The following CDK8 variants were observed in gnomAD, a reference collection of about 807,000 sequenced individuals.
The protein encoded by CDK8 is cyclin dependent kinase 8.
CDK8 carries 29 observed loss-of-function variants against 71.5 expected under a neutral mutation model. The ratio of observed to expected loss-of-function variants is 0.41; its 90% CI spans 0.30 to 0.55. The LOEUF (loss-of-function observed/expected upper bound fraction) is 0.55. Among genes scored for constraint, CDK8 ranks in the 20% least tolerant of loss-of-function variants. The probability of loss-of-function intolerance (pLI) is 0.37; values close to 1 mark genes in which losing one functional copy is unlikely to be tolerated. For synonymous variants in CDK8, 161 were observed against 192.1 expected, an observed-to-expected ratio of 0.84 and a Z score of 1.34; for missense variants, 288 against 572.6, an observed-to-expected ratio of 0.50 and a Z score of 5.07.
intron 1 of CDK8, among the ~76,000 whole-genome samples, chr13:26,271,184 GT>G (rs1227178351): frequency 6.6e-6 from 1 of 152,172 alleles, no homozygotes; most frequent in Non-Finnish European, 1.5e-5. Flanking sequence ...AGTTGTAGGA[GT>G]TCTTTGTATA....
At chr13:26,343,238 A>G (rs921065413) in intron 2 of CDK8, among the ~76,000 whole-genome samples, 1 of 152,144 alleles carries the variant, frequency 6.6e-6, no homozygotes, top group Non-Finnish European at 1.5e-5. Context: ...TAAACACACC[A>G]GGCTGTTTGT....
intron 9 of CDK8, among the ~76,000 whole-genome samples, chr13:26,398,737 GC>G (rs1194132530): frequency 6.6e-6 from 1 of 152,076 alleles, no homozygotes; most frequent in Non-Finnish European, 1.5e-5. Flanking sequence ...ACTTTGGGAG[GC>G]CGAGGCGGGC....
chr13:26,320,723 A>G (rs972562302), intron 1 of CDK8, among the ~76,000 whole-genome samples: 1 of 152,250 alleles, frequency 6.6e-6, no homozygotes, highest in African/African-American at 2.4e-5. Context: ...GGACTTGAAT[A>G]AACATTCCTC....
At chr13:26,313,254 CTTAGTA>C (rs1229065973) in intron 1 of CDK8, among the ~76,000 whole-genome samples, 1 of 151,994 alleles carries the variant, frequency 6.6e-6, no homozygotes, top group Admixed American at 6.6e-5. Context: ...TGTATATGTA[CTTAGTA>C]CTATGTGCTA....
intron 1 of CDK8, among the ~76,000 whole-genome samples, chr13:26,279,300 T>C (rs1418861230): frequency 2.0e-5 from 3 of 152,188 alleles, no homozygotes; most frequent in Non-Finnish European, 4.4e-5. Context: ...AAATATTCAT[T>C]GGTTTAAAAG....
In CDK8 at chr13:26,292,461, C is replaced by A. The variant is rs181508952; in HGVS notation, c.128+37692C>A. ...CTTACCATCACCCAGTATTCTTATTCCAACTAATAAGAAGGGAGAGAGAGT... is the reference window on the plus strand; with the variant it reads ...CTTACCATCACCCAGTATTCTTATTACAACTAATAAGAAGGGAGAGAGAGT... On this transcript the variant is annotated intron_variant, in intron 1 of 12. Transcript: ENST00000381527. 1.6e-3 allele frequency among the ~76,000 whole-genome samples: 246 copies of A among 152,272 alleles called. 1 individual carries two copies. Among genetic ancestry groups the A allele is most frequent in the Admixed American group, 0.014 (208 of 15,288 alleles).
intron 1 of CDK8, among the ~76,000 whole-genome samples, chr13:26,335,859 G>A (rs1274507960): frequency 2.0e-5 from 3 of 151,738 alleles, no homozygotes; most frequent in Admixed American, 2.0e-4. Context: ...CTCCCACTAA[G>A]CATTCACAAG....
chr13:26,259,875 T>TG (rs1431109345), intron 1 of CDK8, among the ~76,000 whole-genome samples: 2 of 152,170 alleles, frequency 1.3e-5, no homozygotes, highest in Non-Finnish European at 2.9e-5. Flanking sequence ...TTCCATTATT[T>TG]GGGGAGATAA....
intron 1 of CDK8, among the ~76,000 whole-genome samples, chr13:26,313,038 C>T (rs1874360095): frequency 6.6e-6 from 1 of 152,130 alleles, no homozygotes; most frequent in East Asian, 1.9e-4. Context: ...AATTACTTGC[C>T]TGTTTTTGAC....
At chr13:26,341,429 A>C (rs554931975) in intron 2 of CDK8, among the ~76,000 whole-genome samples, 1 of 152,338 alleles carries the variant, frequency 6.6e-6, no homozygotes, top group South Asian at 2.1e-4. Flanking sequence ...CCGGCCAAGC[A>C]TACCTCAGTT....
chr13:26,298,059 A>G (rs1030432590), intron 1 of CDK8, among the ~76,000 whole-genome samples: 1 of 152,020 alleles, frequency 6.6e-6, no homozygotes, highest in African/African-American at 2.4e-5. Flanking sequence ...GCGATTTTAT[A>G]TTGGTACCAA....
intron 1 of CDK8, among the ~76,000 whole-genome samples, chr13:26,318,999 A>G (rs1038409565): frequency 1.3e-5 from 2 of 152,238 alleles, no homozygotes; most frequent in African/African-American, 4.8e-5. Context: ...AAGGCAGATT[A>G]TATAATCTTA....
chr13:26,272,704 G>C (rs1231064356), intron 1 of CDK8, among the ~76,000 whole-genome samples: 2 of 152,120 alleles, frequency 1.3e-5, no homozygotes, highest in Non-Finnish European at 2.9e-5. Context: ...GTACATAACG[G>C]TATGTGCTAT....
At chr13:26,393,585 T>A in intron 7 of CDK8, 75 bp downstream of exon 7, 1 of 1,468,298 alleles carries the variant, frequency 6.8e-7, no homozygotes, top group Non-Finnish European at 9.3e-7. Context: ...TGGAGAGGTA[T>A]ATATTTTTAG....
chr13:26,277,877 A>G (rs11619482), intron 1 of CDK8, among the ~76,000 whole-genome samples: 62,163 of 152,082 alleles, frequency 0.41, 14,432 homozygotes, highest in Non-Finnish European at 0.52. Flanking sequence ...AGGGGGCAGC[A>G]TAAGCATATT....
chr13:26,358,828 C>T (rs867827120), intron 4 of CDK8, among the ~76,000 whole-genome samples: 1 of 152,108 alleles, frequency 6.6e-6, no homozygotes, highest in Non-Finnish European at 1.5e-5. Context: ...AAGGAAGGAA[C>T]TTCTCAGCCT....
At chr13:26,374,043 A>AAAAAAAAAAAAAAT (rs147290719) in intron 4 of CDK8, among the ~76,000 whole-genome samples, 3 of 111,856 alleles carry the variant, frequency 2.7e-5, no homozygotes, top group Non-Finnish European at 5.3e-5. Context: ...AAAAACAAAA[A>AAAAAAAAAAAAAAT]ACAAAAAATT....
chr13:26,292,811 T>A (rs571643679), intron 1 of CDK8, among the ~76,000 whole-genome samples: 1 of 152,358 alleles, frequency 6.6e-6, no homozygotes, highest in South Asian at 2.1e-4. Flanking sequence ...TCAGTGTTGT[T>A]GAAAACTCCA....
chr13:26,327,719 C>T (rs1875082996), intron 1 of CDK8, among the ~76,000 whole-genome samples: 1 of 152,040 alleles, frequency 6.6e-6, no homozygotes, highest in Admixed American at 6.5e-5. Context: ...ATCCCAGCTA[C>T]TCAGGAGGCA....
Sources: gnomAD v4.1 joint callset for allele counts (sites outside exome capture counted in the v4.1 genomes callset) on GRCh38, gnomAD v4.1.1 for gene constraint, MANE v1.5 for transcripts, NCBI Gene and HGNC (gene_info 2026-07-23, HGNC 2026-07-21) for gene names.